BTN2A2: variants seen among roughly 807,000 people sequenced by gnomAD.
BTN2A2 encodes the protein butyrophilin 2.
In BTN2A2, 29 loss-of-function variants were observed where a neutral mutation model predicts 34.7. The observed-to-expected ratio is 0.84, with a 90% CI of 0.62 to 1.14. BTN2A2 has a LOEUF of 1.14. Ranked by LOEUF, BTN2A2 falls within the 50% of genes most tolerant of loss-of-function variation. BTN2A2 has a pLI of 0.00. For synonymous variants in BTN2A2, 240 were observed against 253.1 expected (o/e 0.95, Z 0.49); for missense variants, 612 against 651.5 (o/e 0.94, Z 0.66).
rs1032953494 is a variant in BTN2A2 at position 26,390,293 on chromosome 6, G to A, written c.931+82G>A. 7 of 1,386,110 alleles carry A rather than the reference G, an allele frequency of 5.1e-6. 1 individual carries two copies. Among genetic ancestry groups the A allele is most frequent in the South Asian group, 2.6e-5 (2 of 76,828 alleles). 85.9% of individuals were successfully genotyped at this position (1,386,110 alleles called of 1,614,324 possible). A position where few individuals can be genotyped will look rare whatever the true frequency, so the allele number is the denominator to read the frequency against. ...TAAATGAGTAGGAGGACAATTGACTGTCATAGAAAGGCCACAGCTCTCACA... is the reference window on the plus strand; with the variant it reads ...TAAATGAGTAGGAGGACAATTGACTATCATAGAAAGGCCACAGCTCTCACA... On this transcript the variant is annotated intron_variant, in intron 5 of 7. Coordinates refer to ENST00000356709, the MANE Select transcript of BTN2A2 (RefSeq NM_006995.5).
intron 4 of BTN2A2, among the ~76,000 whole-genome samples, chr6:26,389,666 G>A (rs1351613365): frequency 6.6e-6 from 1 of 152,218 alleles, no homozygotes; most frequent in Non-Finnish European, 1.5e-5. Context: ...GAATAGAGCA[G>A]AACAAGAAGG....
At position 26,383,709 on chromosome 6, in the gene BTN2A2, A is replaced by G; in HGVS notation, c.-30-83A>G. The G allele has an allele frequency of 9.5e-7, 1 of 1,054,168 alleles. No individual in the cohort carries two copies. The highest frequency in any genetic ancestry group is 1.5e-6 in the Non-Finnish European group (1 of 685,068). 65.3% of individuals were successfully genotyped at this position (1,054,168 alleles called of 1,614,324 possible). A position where few individuals can be genotyped will look rare whatever the true frequency, so the allele number is the denominator to read the frequency against. On this transcript the variant is annotated intron_variant, in intron 1 of 7. Transcript: ENST00000356709. This position sits in a 1 kb window ranked among gnomAD's most constrained non-coding sequence, Gnocchi z 4.4. ...AGAAGTTGGGGCACCGATGAGACCTACTTGAGTGACAGGAGAGGTTGGGCC... is the reference window on the plus strand; with the variant it reads ...AGAAGTTGGGGCACCGATGAGACCTGCTTGAGTGACAGGAGAGGTTGGGCC...
At position 26,385,044 on chromosome 6, in the gene BTN2A2, C is replaced by G. The variant is rs754146695; in HGVS notation, c.124C>G (p.Pro42Ala). The G allele has an allele frequency of 3.1e-6, 5 of 1,613,734 alleles. No homozygotes were observed. The highest frequency in any genetic ancestry group is 1.7e-5 in the Admixed American group (1 of 59,990). ...GTTTACTGTCGTGGGGCCAGCTAAT[C>G]CCATCCTGGCCATGGTGGGAGAAAA... ...AQFTVVGPAN[P>A]ILAMVGENTT... The change falls in exon 3 of 8, where the codon CCC becomes GCC. Residue 42 changes from proline to alanine, a missense_variant. Physicochemically the swap from Pro to Ala is conservative, Grantham distance 27 (BLOSUM62 -1). Coordinates refer to ENST00000356709, the MANE Select transcript of BTN2A2 (RefSeq NM_006995.5).
rs1761753895 is a variant in BTN2A2, at chr6:26,394,001, A to G, written c.*1034A>G. 6.2e-6 allele frequency: 2 copies of G among 322,584 alleles called. No homozygotes were observed. Among genetic ancestry groups the G allele is most frequent in the Non-Finnish European group, 1.1e-5 (2 of 180,018 alleles). The allele number at this position is 322,584 out of a possible 1,614,324, so 20.0% of individuals were successfully genotyped here. The stretch of plus-strand genomic sequence containing the variant: ...AAAAACAAAAAGTGTGACACTGGTT[A>G]ACTTTTTCCAGATCTCATGTCTGGC... On this transcript the variant is annotated 3_prime_UTR_variant, in exon 8 of 8. Coordinates refer to ENST00000356709, the MANE Select transcript of BTN2A2 (RefSeq NM_006995.5).
chr6:26,385,260 C>G lies in BTN2A2; in HGVS notation c.340C>G (p.Leu114Val). 1 of 1,614,178 alleles carries G rather than the reference C, an allele frequency of 6.2e-7. No individual in the cohort carries two copies. Among genetic ancestry groups the G allele is most frequent in the Non-Finnish European group, 8.5e-7 (1 of 1,180,036 alleles). ...AGACATCAACAGGGGCAGCGTGGCCCTGGTCATACATAACGTCACAGCCCA... is the reference window on the plus strand; with the variant it reads ...AGACATCAACAGGGGCAGCGTGGCCGTGGTCATACATAACGTCACAGCCCA... ...SKDINRGSVA[L>V]VIHNVTAQEN... The change falls in exon 3 of 8, where the codon CTG (leucine) becomes GTG (valine). Residue 114 changes from leucine (L) to valine (V), a missense_variant. Transcript: ENST00000356709.
In BTN2A2 at chr6:26,385,901, A is replaced by G. The variant is rs182986311; in HGVS notation, c.442+539A>G. Among the ~76,000 whole-genome samples the G allele has an allele frequency of 4.1e-3, 624 of 152,320 alleles. 1 individual carries two copies. Among genetic ancestry groups the G allele is most frequent in the African/African-American group, 0.014 (581 of 41,564 alleles). ...GCATTCCTCAGCTGAGGCCATGAGC[A>G]GGGGAAAATAGTTAATCCCGGAAAA... On this transcript the variant is annotated intron_variant, in intron 3 of 7. Transcript: ENST00000356709.
chr6:26,392,554 G>C lies in BTN2A2; in HGVS notation c.1159G>C (p.Glu387Gln). Residue 387 changes from glutamate (E) to glutamine (Q), a missense_variant, in exon 8 of 8, where the codon GAG becomes CAG. Glu to Gln is a conservative substitution (Grantham distance 29, BLOSUM62 2). Coordinates refer to ENST00000356709, the MANE Select transcript of BTN2A2 (RefSeq NM_006995.5). ...CTCAGGGAAACATTACTGGGAGGTG[G>C]AGGTGGAAAACGTGATGGTGTGGAC... ...FASGKHYWEV[E>Q]VENVMVWTVG... 1 of 1,614,256 alleles carries C rather than the reference G, an allele frequency of 6.2e-7. No homozygotes were observed. The highest frequency in any genetic ancestry group is 8.5e-7 in the Non-Finnish European group (1 of 1,180,042).
Position 26,386,274 on chromosome 6 carries a change from C to G in BTN2A2, c.442+912C>G, listed in dbSNP as rs58010878. ...TAGAAATGCACTTAAACTGGGATTT[C>G]TAATAGTTTGTTAAAAGTGACACTA... On this transcript the variant is annotated intron_variant, in intron 3 of 7. Coordinates refer to ENST00000356709, the MANE Select transcript of BTN2A2 (RefSeq NM_006995.5). Among the ~76,000 whole-genome samples the G allele has an allele frequency of 1.8e-3, 271 of 152,128 alleles. 2 individuals carry two copies. Among genetic ancestry groups the G allele is most frequent in the African/African-American group, 3.9e-3 (160 of 41,488 alleles).
rs752559720 is a variant in BTN2A2, at chr6:26,388,176, C to T, written c.606C>T (p.Asp202=). 27 of 1,614,052 alleles carry T rather than the reference C, an allele frequency of 1.7e-5. No homozygotes were observed. The East Asian group carries it at 2.4e-4, about 15-fold the overall frequency. Residue 202 remains aspartate, a synonymous_variant, in exon 4 of 8, where the codon GAC becomes GAT. Coordinates refer to ENST00000356709, the MANE Select transcript of BTN2A2 (RefSeq NM_006995.5). The part of the protein sequence containing the change: ...ALKEVSIADA[D]GLFMVTTAVI... ...AGGAGGTTTCCATCGCTGATGCTGA[C>T]GGCCTCTTCATGGTCACCACAGCTG...
chr6:26,388,591 T>C (rs189789101), intron 4 of BTN2A2, among the ~76,000 whole-genome samples: 339 of 151,814 alleles, frequency 2.2e-3, no homozygotes, highest in Non-Finnish European at 3.2e-3. Flanking sequence ...ACCTGGAGAG[T>C]AGTGTGGGTG....
chr6:26,383,652 G>A lies in BTN2A2; in HGVS notation c.-30-140G>A. 2.9e-6 allele frequency: 2 copies of A among 680,352 alleles called. No homozygotes were observed. The highest frequency in any genetic ancestry group is 2.4e-5 in the Admixed American group (1 of 41,518). 42.1% of individuals were successfully genotyped at this position (680,352 alleles called of 1,614,324 possible). A position where few individuals can be genotyped will look rare whatever the true frequency, so the allele number is the denominator to read the frequency against. On this transcript the variant is annotated intron_variant, in intron 1 of 7. Transcript: ENST00000356709. The surrounding 1 kb of genome is among the most constrained non-coding windows in gnomAD (Gnocchi z 4.4). ...ATGTTTACGGAATCCCTCTTTCGGA[G>A]ATACCTGAGCCTTGAGATGCAAGCG...
chr6:26,388,256 T>C lies in BTN2A2; in HGVS notation c.686T>C (p.Leu229Pro). 1.9e-6 allele frequency: 3 copies of C among 1,614,182 alleles called. No individual in the cohort carries two copies. The highest frequency in any genetic ancestry group is 2.5e-6 in the Non-Finnish European group (3 of 1,180,020). Residue 229 changes from leucine to proline, a missense_variant, in exon 4 of 8, where the codon CTG becomes CCG. Transcript: ENST00000356709. ...GTGTCCTGCTCTGTCAACAACACCC[T>C]GCTCGGCCAGGAGAAGGAAACTGTC... is the stretch of plus-strand genomic sequence containing the variant. ...RNVSCSVNNT[L>P]LGQEKETVIF... is the part of the protein sequence containing the mutation.
intron 4 of BTN2A2, among the ~76,000 whole-genome samples, chr6:26,388,804 T>C (rs976656050): frequency 9.9e-5 from 15 of 152,180 alleles, no homozygotes; most frequent in African/African-American, 2.4e-5. Context: ...TCAAAATTTC[T>C]CTCCTCAAGG....
At chr6:26,391,055 C>T (rs891389083) in intron 7 of BTN2A2, 9 of 623,378 alleles carry the variant, frequency 1.4e-5, no homozygotes, top group Non-Finnish European at 2.5e-5. Flanking sequence ...GACCCTTTCT[C>T]TTTTGGAATA....
rs1470226071 is a variant in BTN2A2, at chr6:26,393,645, A to T, written c.*678A>T. The T allele has an allele frequency of 5.0e-6, 5 of 997,604 alleles. No homozygotes were observed. Among genetic ancestry groups the T allele is most frequent in the Admixed American group, 1.1e-4 (2 of 18,364 alleles). The allele number at this position is 997,604 out of a possible 1,614,324, so 61.8% of individuals were successfully genotyped here. On this transcript the variant is annotated 3_prime_UTR_variant, in exon 8 of 8. Transcript: ENST00000356709. ...GGCTCAGATGTCCCTGCAATAAACA[A>T]GGGGTCAGTACTTAGTCCCTGAGTG...
At position 26,393,863 on chromosome 6, in the gene BTN2A2, C is replaced by CA. The variant is rs907794148; in HGVS notation, c.*901dup. On this transcript the variant is annotated 3_prime_UTR_variant, in exon 8 of 8. Transcript: ENST00000356709. ...ATATTTATGACATTTGACATTGAAA[C>CA]AAAAATTTAAAATGTTATCTTTTAA... The CA allele has an allele frequency of 3.1e-6, 2 of 647,468 alleles. No individual in the cohort carries two copies. Among genetic ancestry groups the CA allele is most frequent in the Non-Finnish European group, 3.8e-6 (2 of 521,276 alleles). The allele number at this position is 647,468 out of a possible 1,614,324, so 40.1% of individuals were successfully genotyped here.
At position 26,393,431 on chromosome 6, in the gene BTN2A2, G is replaced by C; in HGVS notation, c.*464G>C. ...ACCAGATATGCAGATCAGAGATAGA[G>C]GAAGTGGAACCAGAGAGCTGGGAGG... is the stretch of plus-strand genomic sequence containing the variant. On this transcript the variant is annotated 3_prime_UTR_variant, in exon 8 of 8. Coordinates refer to ENST00000356709, the MANE Select transcript of BTN2A2 (RefSeq NM_006995.5). 1 of 1,089,404 alleles carries C rather than the reference G, an allele frequency of 9.2e-7. No homozygotes were observed. The highest frequency in any genetic ancestry group is 1.1e-6 in the Non-Finnish European group (1 of 892,946). 67.5% of individuals were successfully genotyped at this position (1,089,404 alleles called of 1,614,324 possible). A position where few individuals can be genotyped will look rare whatever the true frequency, so the allele number is the denominator to read the frequency against.
intron 4 of BTN2A2, among the ~76,000 whole-genome samples, chr6:26,389,527 G>T (rs1034356316): frequency 6.6e-6 from 1 of 152,334 alleles, no homozygotes; most frequent in African/African-American, 2.4e-5. Context: ...ATGCAACTAC[G>T]TTATATATGG....
At chr6:26,390,283 A>C in intron 5 of BTN2A2, 72 bp downstream of exon 5, 3 of 1,446,400 alleles carry the variant, frequency 2.1e-6, no homozygotes, top group Non-Finnish European at 2.8e-6. Flanking sequence ...GAGTAGGAGG[A>C]CAATTGACTG....
Sources: gnomAD v4.1 joint callset for allele counts (sites outside exome capture counted in the v4.1 genomes callset) on GRCh38, gnomAD v4.1.1 for gene constraint, Gnocchi (gnomAD v3.1) non-coding constraint, MANE v1.5 for transcripts, NCBI Gene and HGNC (gene_info 2026-07-23, HGNC 2026-07-21) for gene names.